ACBD3: variants seen among roughly 807,000 people sequenced by gnomAD.
The protein encoded by ACBD3 is acyl-CoA binding domain containing 3.
ACBD3 carries 30 observed loss-of-function variants against 66.9 expected under a neutral mutation model. The ratio of observed to expected loss-of-function variants is 0.45; its 90% CI spans 0.34 to 0.61. The LOEUF (loss-of-function observed/expected upper bound fraction) is 0.61, where lower values mean the gene tolerates loss of function less well. Ranked by LOEUF, ACBD3 falls within the 20% of genes least tolerant of loss-of-function variation. ACBD3 has a pLI of 0.02. For synonymous variants in ACBD3, 278 were observed against 259.8 expected, an observed-to-expected ratio of 1.07 and a Z score of -0.68; for missense variants, 544 against 664.5, an observed-to-expected ratio of 0.82 and a Z score of 1.99.
chr1:226,147,561 G>C (rs1659479850), intron 7 of ACBD3, among the ~76,000 whole-genome samples: 1 of 152,160 alleles, frequency 6.6e-6, no homozygotes, highest in Non-Finnish European at 1.5e-5. Context: ...CCCCATTTTA[G>C]AAAGATGGAA....
In ACBD3 at chr1:226,152,592, G is replaced by C. The variant is rs1659598482; in HGVS notation, c.1118C>G (p.Ser373Cys). The C allele has an allele frequency of 1.2e-6, 2 of 1,614,014 alleles. No homozygotes were observed. Among genetic ancestry groups the C allele is most frequent in the Non-Finnish European group, 1.7e-6 (2 of 1,180,036 alleles). Residue 373 changes from serine to cysteine, a missense_variant, in exon 7 of 8, where the codon TCC becomes TGC. Ser to Cys is a moderately radical substitution (Grantham distance 112, BLOSUM62 -1). Around this residue, in one of 3 missense-constraint regions of ACBD3, gnomAD observed 383 missense variants for 462.4 expected, o/e 0.83. Coordinates refer to ENST00000366812, the MANE Select transcript of ACBD3 (RefSeq NM_022735.4). Reference protein sequence around the residue: ...KESLPVIAAPSMWTRPQIKDF... With the variant: ...KESLPVIAAPCMWTRPQIKDF... The stretch of plus-strand genomic sequence containing the variant: ...TTTGATCTGAGGTCGTGTCCACATG[G>C]ATGGAGCTGCTATTACTGGAAGAGA...
chr1:226,182,357 C>T (rs901358976), intron 1 of ACBD3, among the ~76,000 whole-genome samples: 4 of 152,264 alleles, frequency 2.6e-5, no homozygotes, highest in Middle Eastern at 3.4e-3. Flanking sequence ...TGGTTCACGC[C>T]TGTAATCCCA....
At chr1:226,151,268 TG>T (rs1659567000) in intron 7 of ACBD3, among the ~76,000 whole-genome samples, 1 of 152,236 alleles carries the variant, frequency 6.6e-6, no homozygotes, top group Non-Finnish European at 1.5e-5. Flanking sequence ...TCAGTTAGTC[TG>T]GAAGAACTGA....
At position 226,154,475 on chromosome 1, in the gene ACBD3, C is replaced by T. The variant is rs577392563; in HGVS notation, c.1090+172G>A. 574 of 624,906 alleles carry T rather than the reference C, an allele frequency of 9.2e-4. 2 individuals carry two copies. The highest frequency in any genetic ancestry group is 1.3e-3 in the Non-Finnish European group (505 of 384,440). 38.7% of individuals were successfully genotyped at this position (624,906 alleles called of 1,614,324 possible). On this transcript the variant is annotated intron_variant, in intron 6 of 7. Coordinates refer to ENST00000366812, the MANE Select transcript of ACBD3 (RefSeq NM_022735.4). ...AAGACATCTGATTTGCTCTTCTACA[C>T]TGGTCTATGAGTCACCAGAGCATTA...
chr1:226,146,310 T>A lies in ACBD3; in HGVS notation c.*300A>T, dbSNP rs912084045. The A allele has an allele frequency of 1.4e-5, 4 of 277,690 alleles. No homozygotes were observed. The highest frequency in any genetic ancestry group is 8.9e-5 in the African/African-American group (4 of 44,784). The allele number at this position is 277,690 out of a possible 1,614,324, so 17.2% of individuals were successfully genotyped here. A position where few individuals can be genotyped will look rare whatever the true frequency, so the allele number is the denominator to read the frequency against. ...CAGCCGGGTAAGGTCAACGTTGGGGTGTTTTATTTTGGAGACTTTAAATAT... is the reference window on the plus strand; with the variant it reads ...CAGCCGGGTAAGGTCAACGTTGGGGAGTTTTATTTTGGAGACTTTAAATAT... On this transcript the variant is annotated 3_prime_UTR_variant, in exon 8 of 8. Coordinates refer to ENST00000366812, the MANE Select transcript of ACBD3 (RefSeq NM_022735.4).
In ACBD3 at chr1:226,146,749, T is replaced by C; in HGVS notation, c.1448A>G (p.Tyr483Cys). The C allele has an allele frequency of 6.2e-7, 1 of 1,614,160 alleles. No individual in the cohort carries two copies. ...CACCTCCTCATGACAGTCCCGTCGG[T>C]ACACAGGCACAATCTCATCCAGCAA... ...KPLLDEIVPV[Y>C]RRDCHEEVYA... Residue 483 changes from tyrosine to cysteine, a missense_variant, in exon 8 of 8, where the codon TAC becomes TGC. Around this residue, in one of 3 missense-constraint regions of ACBD3, gnomAD observed 383 missense variants for 462.4 expected, o/e 0.83. Transcript: ENST00000366812.
In ACBD3 at chr1:226,145,540, T is replaced by G. The variant is rs1304964249; in HGVS notation, c.*1070A>C. ...GTACCTCTTCCCGTCAATAAAGAAA[T>G]AACACAAATTAAAGCTATAAAATTT... On this transcript the variant is annotated 3_prime_UTR_variant, in exon 8 of 8. Coordinates refer to ENST00000366812, the MANE Select transcript of ACBD3 (RefSeq NM_022735.4). 2.0e-5 allele frequency: 3 copies of G among 152,562 alleles called. No individual in the cohort carries two copies. Among genetic ancestry groups the G allele is most frequent in the African/African-American group, 7.2e-5 (3 of 41,450 alleles). 9.5% of individuals were successfully genotyped at this position (152,562 alleles called of 1,614,324 possible). A position where few individuals can be genotyped will look rare whatever the true frequency, so the allele number is the denominator to read the frequency against.
At position 226,152,567 on chromosome 1, in the gene ACBD3, T is replaced by C; in HGVS notation, c.1143A>G (p.Lys381=). The change falls in exon 7 of 8, where the codon AAA becomes AAG. Residue 381 remains lysine, a synonymous_variant. Coordinates refer to ENST00000366812, the MANE Select transcript of ACBD3 (RefSeq NM_022735.4). ...CCTGCTGAATCTTCTCTTTGAAGTC[T>C]TTGATCTGAGGTCGTGTCCACATGG... ...APSMWTRPQI[K]DFKEKIQQDA... The C allele has an allele frequency of 1.2e-6, 2 of 1,614,234 alleles. No individual in the cohort carries two copies. Among genetic ancestry groups the C allele is most frequent in the Non-Finnish European group, 1.7e-6 (2 of 1,180,042 alleles).
chr1:226,158,362 T>C (rs1299639885), intron 5 of ACBD3, among the ~76,000 whole-genome samples: 1 of 152,208 alleles, frequency 6.6e-6, no homozygotes, highest in Non-Finnish European at 1.5e-5. Context: ...TAAGGAGGTA[T>C]TTTATGCCTG....
At chr1:226,184,171 C>A (rs559842501) in intron 1 of ACBD3, among the ~76,000 whole-genome samples, 1 of 152,038 alleles carries the variant, frequency 6.6e-6, no homozygotes, top group African/African-American at 2.4e-5. Context: ...CCAGCCTGGG[C>A]GACAGAGTGA....
intron 4 of ACBD3, 94 bp downstream of exon 4, chr1:226,161,437 C>G (rs1659771816): frequency 6.5e-7 from 1 of 1,547,034 alleles, no homozygotes; most frequent in Non-Finnish European, 8.8e-7. Context: ...GGATTACAGG[C>G]GTGAACCACC....
intron 1 of ACBD3, among the ~76,000 whole-genome samples, chr1:226,185,711 G>A (rs768714607): frequency 2.6e-5 from 4 of 151,956 alleles, no homozygotes; most frequent in African/African-American, 7.2e-5. Context: ...GGTACTGTTA[G>A]GCCTTACTCT....
intron 7 of ACBD3, among the ~76,000 whole-genome samples, chr1:226,149,874 A>G (rs1215721106): frequency 6.6e-6 from 1 of 151,778 alleles, no homozygotes; most frequent in Non-Finnish European, 1.5e-5. Context: ...AGTAATTTGT[A>G]TGCATACAAA....
chr1:226,173,076 C>A (rs555886232), intron 1 of ACBD3, among the ~76,000 whole-genome samples: 2 of 152,056 alleles, frequency 1.3e-5, no homozygotes, highest in African/African-American at 2.4e-5. Context: ...GACCAGCCTG[C>A]GAAACAAAGT....
intron 7 of ACBD3, among the ~76,000 whole-genome samples, chr1:226,151,518 AGT>A (rs1659571959): frequency 1.3e-5 from 2 of 152,248 alleles, no homozygotes; most frequent in Non-Finnish European, 2.9e-5. Context: ...ATTCAGAGGA[AGT>A]AAAAAAATTC....
intron 1 of ACBD3, among the ~76,000 whole-genome samples, chr1:226,180,713 T>C (rs1656151257): frequency 6.6e-6 from 1 of 152,102 alleles, no homozygotes; most frequent in Non-Finnish European, 1.5e-5. Context: ...TAAAAACATA[T>C]ACACACTGGG....
intron 7 of ACBD3, among the ~76,000 whole-genome samples, chr1:226,151,718 T>C (rs1322752706): frequency 6.6e-6 from 1 of 152,082 alleles, no homozygotes; most frequent in African/African-American, 2.4e-5. Flanking sequence ...TTAAAATTTT[T>C]CAAAGTGGGT....
chr1:226,153,706 G>C (rs559004680), intron 6 of ACBD3, among the ~76,000 whole-genome samples: 1 of 152,276 alleles, frequency 6.6e-6, no homozygotes, highest in East Asian at 1.9e-4. Flanking sequence ...AAAGCTAGTA[G>C]AGCTTTGAAA....
chr1:226,157,949 T>G (rs572254322), intron 5 of ACBD3, among the ~76,000 whole-genome samples: 1 of 152,380 alleles, frequency 6.6e-6, no homozygotes, highest in East Asian at 1.9e-4. Context: ...GTGTATGTGC[T>G]ATTAAAAATC....
Sources: allele counts gnomAD v4.1 joint callset (sites outside exome capture counted in the v4.1 genomes callset), GRCh38; gene constraint gnomAD v4.1.1; regional missense constraint gnomAD v4.1.1; transcripts MANE v1.5; gene names NCBI Gene and HGNC (gene_info 2026-07-23, HGNC 2026-07-21).